Variants in GML observed in about 807,000 individuals in gnomAD.
GML encodes the protein glycosylphosphatidylinositol anchored molecule like.
Under a neutral mutation model 8.2 loss-of-function variants are expected in GML, and 5 were observed. The observed-to-expected ratio is 0.61, with a 90% CI of 0.32 to 1.28. The LOEUF (loss-of-function observed/expected upper bound fraction) is 1.28, where lower values mean the gene tolerates loss of function less well. Ranked by LOEUF, GML falls within the 50% of genes most tolerant of loss-of-function variation. The probability of loss-of-function intolerance (pLI) is 0.06; values close to 1 mark genes in which losing one functional copy is unlikely to be tolerated. For missense variants in GML, 191 were observed against 198.3 expected, an observed-to-expected ratio of 0.96 and a Z score of 0.22; for synonymous variants, 72 against 69.0, an observed-to-expected ratio of 1.04 and a Z score of -0.22.
At chr8:142,835,228 A>G (rs1297061741) in intron 1 of GML, among the ~76,000 whole-genome samples, 1 of 151,472 alleles carries the variant, frequency 6.6e-6, no homozygotes, top group Non-Finnish European at 1.5e-5. Flanking sequence ...GAGACCCCCC[A>G]ACTATGCTCA....
chr8:142,841,152 CATAA>C lies in GML; in HGVS notation c.111_114del (p.Ile37MetfsTer19). On this transcript the variant is annotated frameshift_variant, in exon 3 of 4. Coordinates refer to ENST00000220940, the MANE Select transcript of GML (RefSeq NM_002066.3). LOFTEE classifies it high-confidence loss of function. ...GTTTGAGATGCCATGACTGTGCGGTCATAAATGACTTCAACTGTCCCAACATTAG... is the reference window on the plus strand; with the variant it reads ...GTTTGAGATGCCATGACTGTGCGGTCATGACTTCAACTGTCCCAACATTAG... The C allele has an allele frequency of 6.3e-7, 1 of 1,585,842 alleles. No individual in the cohort carries two copies. The highest frequency in any genetic ancestry group is 8.7e-7 in the Non-Finnish European group (1 of 1,154,340).
rs1273921922 is a variant in GML at position 142,846,411 on chromosome 8, A to T, written c.198A>T (p.Glu66Asp). Residue 66 changes from glutamate (E) to aspartate (D), a missense_variant, in exon 4 of 4, where the codon GAA becomes GAT. Physicochemically the swap from Glu to Asp is conservative, Grantham distance 45. Transcript: ENST00000220940. Reference sequence around the variant, plus strand: ...TTTTTTTAGGCATAAATTCTCGTGAACTACTTGTTTATAAGAACTGTACAA... The same window carrying T: ...TTTTTTTAGGCATAAATTCTCGTGATCTACTTGTTTATAAGAACTGTACAA... ...MTISIRINSR[E>D]LLVYKNCTNN... The T allele has an allele frequency of 6.3e-7, 1 of 1,594,072 alleles. No homozygotes were observed. Among genetic ancestry groups the T allele is most frequent in the Admixed American group, 1.7e-5 (1 of 57,486 alleles).
intron 1 of GML, among the ~76,000 whole-genome samples, chr8:142,838,114 C>T (rs553296708): frequency 1.4e-5 from 2 of 146,962 alleles, no homozygotes; most frequent in South Asian, 2.2e-4. Flanking sequence ...GGTGCTTCCA[C>T]ATCTGTCCAA....
At chr8:142,839,439 T>C (rs1420681507) in intron 1 of GML, among the ~76,000 whole-genome samples, 1 of 152,164 alleles carries the variant, frequency 6.6e-6, no homozygotes, top group Non-Finnish European at 1.5e-5. Flanking sequence ...CCCTGGGGTG[T>C]GGCTTCTTGC....
intron 3 of GML, among the ~76,000 whole-genome samples, chr8:142,842,045 C>T (rs745550840): frequency 2.6e-5 from 4 of 152,160 alleles, no homozygotes; most frequent in African/African-American, 7.2e-5. Flanking sequence ...CCATAATCCC[C>T]GTGTGTCATG....
chr8:142,841,926 T>C (rs1241309183), intron 3 of GML, among the ~76,000 whole-genome samples: 1 of 152,180 alleles, frequency 6.6e-6, no homozygotes, highest in Non-Finnish European at 1.5e-5. Context: ...TGCTTGCAAC[T>C]TCACATGTCA....
Position 142,841,127 on chromosome 8 carries a change from G to A in GML, c.83G>A (p.Ser28Asn). 3 of 1,535,760 alleles carry A rather than the reference G, an allele frequency of 2.0e-6. No homozygotes were observed. Among genetic ancestry groups the A allele is most frequent in the Non-Finnish European group, 2.7e-6 (3 of 1,108,562 alleles). Residue 28 changes from serine (S) to asparagine (N), a missense_variant, in exon 3 of 4, where the codon AGT becomes AAT. Coordinates refer to ENST00000220940, the MANE Select transcript of GML (RefSeq NM_002066.3). ...SATMRAQWTY[S>N]LRCHDCAVIN... ...CTTTCTCCCCTCTCAGGGACTTACA[G>A]TTTGAGATGCCATGACTGTGCGGTC...
At chr8:142,844,859 A>G (rs1474569082) in intron 3 of GML, among the ~76,000 whole-genome samples, 1 of 152,198 alleles carries the variant, frequency 6.6e-6, no homozygotes, top group Non-Finnish European at 1.5e-5. Context: ...CAGTGTAGAA[A>G]ACTCTTCGAT....
At chr8:142,839,371 C>A (rs77513604) in intron 1 of GML, among the ~76,000 whole-genome samples, 23,986 of 152,176 alleles carry the variant, frequency 0.16, 2,310 homozygotes, top group East Asian at 0.48. Flanking sequence ...CGCCCACTGG[C>A]GCTGGACTTG....
intron 1 of GML, among the ~76,000 whole-genome samples, chr8:142,835,451 C>G (rs145395908): frequency 2.6e-5 from 4 of 152,214 alleles, no homozygotes; most frequent in African/African-American, 9.6e-5. Flanking sequence ...TTCTGCTGCT[C>G]GTTCTTTTCT....
intron 1 of GML, among the ~76,000 whole-genome samples, chr8:142,835,279 T>TG (rs1554650027): frequency 5.9e-5 from 9 of 151,472 alleles, no homozygotes; most frequent in Non-Finnish European, 8.9e-5. Context: ...TCCGCTTCCC[T>TG]GGGGCCCCCC....
intron 1 of GML, 140 bp downstream of exon 1, chr8:142,835,008 C>A (rs1281475540): frequency 6.6e-6 from 1 of 152,200 alleles, no homozygotes. Flanking sequence ...GATGGGGTGC[C>A]CCCACTCCCC....
At chr8:142,845,554 G>A (rs1816493442) in intron 3 of GML, among the ~76,000 whole-genome samples, 1 of 152,216 alleles carries the variant, frequency 6.6e-6, no homozygotes, top group Non-Finnish European at 1.5e-5. Context: ...ATCAATTATG[G>A]TAAGTTCCAG....
At chr8:142,841,841 G>A (rs756142276) in intron 3 of GML, among the ~76,000 whole-genome samples, 7 of 152,312 alleles carry the variant, frequency 4.6e-5, no homozygotes, top group East Asian at 3.9e-4. Flanking sequence ...ATGCCCTGGC[G>A]CACAGGTGGA....
chr8:142,840,040 C>T (rs1045815219), intron 1 of GML, among the ~76,000 whole-genome samples: 11 of 149,410 alleles, frequency 7.4e-5, no homozygotes, highest in Middle Eastern at 3.4e-3. Flanking sequence ...GAGCGGGAAG[C>T]GCGTCAGTGG....
intron 3 of GML, among the ~76,000 whole-genome samples, chr8:142,843,598 C>G (rs1178184202): frequency 6.6e-6 from 1 of 152,122 alleles, no homozygotes; most frequent in Non-Finnish European, 1.5e-5. Context: ...TCAGAGACAA[C>G]AAACTTCAAA....
Position 142,840,504 on chromosome 8 carries a change from G to A in GML, c.67G>A (p.Ala23Thr), listed in dbSNP as rs762771971. Residue 23 changes from alanine to threonine, a missense_variant, in exon 2 of 4, where the codon GCT (alanine) becomes ACT (threonine). Ala to Thr is a moderately conservative substitution (Grantham distance 58). Transcript: ENST00000220940. ...GGTGGCAGCCAGTGCCACCATGCGC[G>A]CTCAGTGTAAGTATCATTCCCTCTC... ...PLVAASATMR[A>T]QWTYSLRCHD... The A allele has an allele frequency of 6.8e-6, 11 of 1,606,098 alleles. No individual in the cohort carries two copies. The highest frequency in any genetic ancestry group is 2.7e-5 in the African/African-American group (2 of 74,916).
intron 1 of GML, among the ~76,000 whole-genome samples, chr8:142,835,823 G>A (rs1018268691): frequency 2.0e-5 from 3 of 152,150 alleles, no homozygotes; most frequent in African/African-American, 7.2e-5. Context: ...TTTTTGCCTG[G>A]AAGCCTGCAC....
At chr8:142,836,017 C>A (rs1022040703) in intron 1 of GML, among the ~76,000 whole-genome samples, 4 of 152,206 alleles carry the variant, frequency 2.6e-5, no homozygotes, top group African/African-American at 9.7e-5. Context: ...CTGTATTTGC[C>A]CCATGCATCT....
Sources: gnomAD v4.1 joint callset for allele counts (sites outside exome capture counted in the v4.1 genomes callset) on GRCh38, gnomAD v4.1.1 for gene constraint, MANE v1.5 for transcripts, NCBI Gene and HGNC (gene_info 2026-07-23, HGNC 2026-07-21) for gene names.